ARB2A: variants seen among roughly 807,000 people sequenced by gnomAD.
ARB2A encodes the protein ARB2 cotranscriptional regulator A, also known as cotranscriptional regulator ARB2A.
chr5:93,775,183 A>T, the ARB2A span, among the ~76,000 whole-genome samples: 10 of 152,160 alleles, frequency 6.6e-5, no homozygotes, highest in African/African-American at 2.4e-4. Flanking sequence ...GGTATTAATG[A>T]CAGTGACGTT....
At chr5:93,779,491 C>T in the ARB2A span, among the ~76,000 whole-genome samples, 1 of 152,034 alleles carries the variant, frequency 6.6e-6, no homozygotes, top group Non-Finnish European at 1.5e-5. Flanking sequence ...CTAGGAAAGC[C>T]CTATCTAAAT....
chr5:93,822,760 A>T, the ARB2A span, among the ~76,000 whole-genome samples: 2 of 152,070 alleles, frequency 1.3e-5, no homozygotes, highest in Non-Finnish European at 2.9e-5. Context: ...GATATCTATT[A>T]TATATATCAA....
chr5:93,721,676 T>A, the ARB2A span, among the ~76,000 whole-genome samples: 2 of 152,164 alleles, frequency 1.3e-5, no homozygotes, highest in Admixed American at 6.6e-5. Flanking sequence ...CTAGTAATCT[T>A]GCTGCAGGAA....
At chr5:93,757,263 C>G in the ARB2A span, among the ~76,000 whole-genome samples, 1 of 152,016 alleles carries the variant, frequency 6.6e-6, no homozygotes, top group Non-Finnish European at 1.5e-5. Context: ...AATTGGTGTT[C>G]CTGAGGAAGA....
the ARB2A span, chr5:93,735,193 G>A: frequency 6.6e-6 from 1 of 152,186 alleles, no homozygotes; most frequent in African/African-American, 2.4e-5. Context: ...TCTGATTAAA[G>A]TTTCTACATA....
chr5:93,927,855 AAGAAG>A, the ARB2A span, among the ~76,000 whole-genome samples: 2 of 152,166 alleles, frequency 1.3e-5, no homozygotes, highest in African/African-American at 4.8e-5. Context: ...GGAAGAAAAA[AAGAAG>A]AGAAGAGGGA....
chr5:94,054,726 C>G, the ARB2A span, among the ~76,000 whole-genome samples: 10 of 152,290 alleles, frequency 6.6e-5, no homozygotes, highest in East Asian at 1.9e-3. Flanking sequence ...TAGCAAAGAA[C>G]ACCTAAATAT....
chr5:94,001,265 T>A, the ARB2A span, among the ~76,000 whole-genome samples: 1 of 152,114 alleles, frequency 6.6e-6, no homozygotes, highest in Non-Finnish European at 1.5e-5. Context: ...ATATTTAAGC[T>A]TCCTATCCAT....
chr5:93,900,063 C>T, the ARB2A span, among the ~76,000 whole-genome samples: 1 of 152,030 alleles, frequency 6.6e-6, no homozygotes, highest in Non-Finnish European at 1.5e-5. Context: ...AAAAATCAAA[C>T]TAATATGGAC....
the ARB2A span, among the ~76,000 whole-genome samples, chr5:93,812,399 G>A: frequency 6.6e-6 from 1 of 152,100 alleles, no homozygotes; most frequent in African/African-American, 2.4e-5. Flanking sequence ...GATGGAGAAA[G>A]TCAAGTTTTC....
the ARB2A span, among the ~76,000 whole-genome samples, chr5:93,945,723 C>T: frequency 2.1e-4 from 32 of 152,024 alleles, no homozygotes; most frequent in Non-Finnish European, 8.8e-5. Flanking sequence ...GTAAAATTAT[C>T]AACAAACAAT....
At chr5:93,740,087 T>C in the ARB2A span, 2 of 152,256 alleles carry the variant, frequency 1.3e-5, no homozygotes, top group African/African-American at 4.8e-5. Flanking sequence ...CCCTATCACA[T>C]TCTCAAGTCA....
chr5:93,932,074 A>C, the ARB2A span, among the ~76,000 whole-genome samples: 1 of 152,148 alleles, frequency 6.6e-6, no homozygotes, highest in Non-Finnish European at 1.5e-5. Flanking sequence ...ATTACCACTA[A>C]AATTAGGATT....
the ARB2A span, among the ~76,000 whole-genome samples, chr5:93,854,075 T>G: frequency 4.6e-5 from 7 of 152,194 alleles, no homozygotes; most frequent in Non-Finnish European, 8.8e-5. Context: ...TGGCTCTGAA[T>G]CCATCTGGTC....
At chr5:93,819,811 C>T in the ARB2A span, among the ~76,000 whole-genome samples, 2 of 152,330 alleles carry the variant, frequency 1.3e-5, no homozygotes, top group East Asian at 1.9e-4. Flanking sequence ...ATGTCCAAAA[C>T]CAGTCCTCTA....
the ARB2A span, among the ~76,000 whole-genome samples, chr5:93,948,499 A>G: frequency 6.6e-6 from 1 of 151,842 alleles, no homozygotes; most frequent in Admixed American, 6.6e-5. Context: ...GCTGTGCAGA[A>G]GCTCTTTAGT....
At chr5:93,967,082 AT>A in the ARB2A span, among the ~76,000 whole-genome samples, 1 of 152,102 alleles carries the variant, frequency 6.6e-6, no homozygotes, top group Non-Finnish European at 1.5e-5. Flanking sequence ...GGACTCATTC[AT>A]TGCCTTCCAG....
chr5:93,695,804 G>T, the ARB2A span, among the ~76,000 whole-genome samples: 2 of 152,186 alleles, frequency 1.3e-5, no homozygotes, highest in South Asian at 4.1e-4. Context: ...ATCAGTGACA[G>T]AGTGGATAAA....
chr5:94,066,294 C>A, the ARB2A span, among the ~76,000 whole-genome samples: 13 of 151,718 alleles, frequency 8.6e-5, no homozygotes, highest in Non-Finnish European at 1.3e-4. Context: ...GAAGAAAAAA[C>A]CAAACCCAAA....
Sources: gnomAD v4.1 joint callset for allele counts (sites outside exome capture counted in the v4.1 genomes callset) on GRCh38, gnomAD v4.1.1 for gene constraint, MANE v1.5 for transcripts, NCBI Gene and HGNC (gene_info 2026-07-23, HGNC 2026-07-21) for gene names.